MTTP: variants seen among roughly 807,000 people sequenced by gnomAD.
MTTP encodes the protein microsomal triglyceride transfer protein large subunit.
In MTTP, 49 loss-of-function variants were observed where a neutral mutation model predicts 90.6. The observed-to-expected ratio is 0.54, with a 90% CI of 0.43 to 0.69. MTTP has a LOEUF of 0.69. MTTP is among the 30% of genes least tolerant of loss of function. The probability of loss-of-function intolerance (pLI) is 0.00; values close to 1 mark genes in which losing one functional copy is unlikely to be tolerated. For missense variants in MTTP, 945 were observed against 1,067.5 expected (o/e 0.89, Z 1.60); for synonymous variants, 347 against 384.2 (o/e 0.90, Z 1.13).
chr4:99,583,440 A>G lies in MTTP; in HGVS notation c.316A>G (p.Ser106Gly). The G allele has an allele frequency of 1.2e-6, 2 of 1,613,570 alleles. No homozygotes were observed. The highest frequency in any genetic ancestry group is 4.5e-5 in the East Asian group (2 of 44,846). Residue 106 changes from serine (S) to glycine (G), a missense_variant, in exon 3 of 18, where the codon AGC becomes GGC. Physicochemically the swap from Ser to Gly is moderately conservative, Grantham distance 56. Transcript: ENST00000265517. The stretch of plus-strand genomic sequence containing the variant: ...AGAGAAGAGCATCTTCAAAGGAAAA[A>G]GCCCATCTAAAATAATGGGAAAGGA... ...RGEKSIFKGK[S>G]PSKIMGKENL...
exon 1 of MTTP, chr4:99,564,184 C>A (rs763891524): frequency 6.5e-7 from 1 of 1,535,504 alleles, no homozygotes; most frequent in South Asian, 1.2e-5. Flanking sequence ...TCTGTTTTTT[C>A]CCGTTCAAGA....
upstream of MTTP, among the ~76,000 whole-genome samples, chr4:99,571,020 T>C (rs534665276): frequency 2.7e-3 from 417 of 152,070 alleles, 4 homozygotes; most frequent in African/African-American, 9.4e-3. Context: ...TGGTAATTTG[T>C]TATGGTAGCT....
Position 99,622,920 on chromosome 4 carries a change from C to A in MTTP, c.*72C>A. ...ACAATGTGGCATGACTAAGTACTTG[C>A]TCTCTGAGAGCACAGCGTTTACATA... is the stretch of plus-strand genomic sequence containing the variant. On this transcript the variant is annotated 3_prime_UTR_variant, in exon 18 of 18. Transcript: ENST00000265517. 1 of 1,491,738 alleles carries A rather than the reference C, an allele frequency of 6.7e-7. No individual in the cohort carries two copies. Among genetic ancestry groups the A allele is most frequent in the Non-Finnish European group, 9.4e-7 (1 of 1,069,192 alleles). 92.4% of individuals were successfully genotyped at this position (1,491,738 alleles called of 1,614,324 possible).
intron 1 of MTTP, among the ~76,000 whole-genome samples, chr4:99,566,296 AG>A (rs765335811): frequency 1.6e-4 from 14 of 87,082 alleles, no homozygotes; most frequent in Non-Finnish European, 2.9e-4. Context: ...CTCAAAAAAA[AG>A]AAAAAAAAAA....
intron 3 of MTTP, among the ~76,000 whole-genome samples, chr4:99,588,003 C>T (rs1725297922): frequency 6.6e-6 from 1 of 152,078 alleles, no homozygotes; most frequent in Non-Finnish European, 1.5e-5. Context: ...ACTATTCCAA[C>T]ATTTATAGGT....
At chr4:99,606,506 C>A (rs1449204905) in intron 10 of MTTP, among the ~76,000 whole-genome samples, 1 of 152,048 alleles carries the variant, frequency 6.6e-6, no homozygotes, top group Non-Finnish European at 1.5e-5. Context: ...ACAAAATATG[C>A]CCATTATTGA....
Position 99,589,694 on chromosome 4 carries a change from A to G in MTTP, c.445A>G (p.Lys149Glu). ...TGAGGCAGTGGCCATAGAAAATATC[A>G]AGAGAGGTCTGGCTAGCCTATTTCA... is the stretch of plus-strand genomic sequence containing the variant. ...QNEAVAIENI[K>E]RGLASLFQTQ... Residue 149 changes from lysine (K) to glutamate (E), a missense_variant, in exon 4 of 18, where the codon AAG becomes GAG. Physicochemically the swap from Lys to Glu is moderately conservative, Grantham distance 56. Transcript: ENST00000265517. 1 of 1,610,640 alleles carries G rather than the reference A, an allele frequency of 6.2e-7. No individual in the cohort carries two copies. Among genetic ancestry groups the G allele is most frequent in the Non-Finnish European group, 8.5e-7 (1 of 1,177,126 alleles).
chr4:99,600,434 C>T, intron 8 of MTTP, 131 bp from the exon 9 acceptor site: 6 of 938,106 alleles, frequency 6.4e-6, no homozygotes, highest in Admixed American at 2.3e-5. Flanking sequence ...ATCATTTTTT[C>T]ATTTGTTCAA....
At chr4:99,595,326 A>G (rs890429203) in intron 7 of MTTP, among the ~76,000 whole-genome samples, 2 of 152,216 alleles carry the variant, frequency 1.3e-5, no homozygotes, top group African/African-American at 4.8e-5. Flanking sequence ...CTTTGCCTAA[A>G]TTAGGAAACA....
At position 99,620,592 on chromosome 4, in the gene MTTP, G is replaced by A. The variant is rs547797240; in HGVS notation, c.2343-469G>A. 2.6e-5 allele frequency among the ~76,000 whole-genome samples: 4 copies of A among 152,280 alleles called. No individual in the cohort carries two copies. In the East Asian group the frequency reaches 7.7e-4, roughly 29 times the overall value. The stretch of plus-strand genomic sequence containing the variant: ...GGGCTTACGCCTCTAGAGACTCTTT[G>A]GAGAAGGTAATGAAATGGAATTAAA... On this transcript the variant is annotated intron_variant, in intron 16 of 17. Coordinates refer to ENST00000265517, the MANE Select transcript of MTTP (RefSeq NM_001386140.1).
Position 99,606,968 on chromosome 4 carries a change from C to A in MTTP, c.1557+8C>A, listed in dbSNP as rs2110228843. The stretch of plus-strand genomic sequence containing the variant: ...CCTTTCATAACTGATGAGGTAAAAT[C>A]TCCAAGAATATTTGCAACATTTACA... On this transcript the variant is annotated splice_region_variant and intron_variant, in intron 11 of 17. Transcript: ENST00000265517. 6.2e-7 allele frequency: 1 copy of A among 1,608,450 alleles called. No individual in the cohort carries two copies. The highest frequency in any genetic ancestry group is 8.5e-7 in the Non-Finnish European group (1 of 1,175,900).
Position 99,611,212 on chromosome 4 carries a change from T to TTTCC in MTTP, c.1840_1841insTCCT (p.Ser614PhefsTer12). Reference sequence around the variant, plus strand: ...ATGACCGTTTCTCCAGGAGTGGATCTTCTTCTGCCTACACTGGCTACATAG... The same window carrying TTTCC: ...ATGACCGTTTCTCCAGGAGTGGATCTTTCCTCTTCTGCCTACACTGGCTACATAG... On this transcript the variant is annotated frameshift_variant, in exon 13 of 18. Transcript: ENST00000265517. LOFTEE classifies it high-confidence loss of function. The TTTCC allele has an allele frequency of 6.2e-7, 1 of 1,614,072 alleles. No homozygotes were observed. Among genetic ancestry groups the TTTCC allele is most frequent in the Non-Finnish European group, 8.5e-7 (1 of 1,179,944 alleles).
At chr4:99,616,636 T>C (rs1222452066) in intron 15 of MTTP, among the ~76,000 whole-genome samples, 1 of 152,218 alleles carries the variant, frequency 6.6e-6, no homozygotes, top group East Asian at 1.9e-4. Context: ...ATTAGCACCA[T>C]GTGGCTTAGT....
chr4:99,583,445 A>G lies in MTTP; in HGVS notation c.321A>G (p.Pro107=), dbSNP rs2110212696. 2 of 1,613,600 alleles carry G rather than the reference A, an allele frequency of 1.2e-6. No homozygotes were observed. The highest frequency in any genetic ancestry group is 2.2e-5 in the East Asian group (1 of 44,848). The change falls in exon 3 of 18, where the codon CCA becomes CCG. Residue 107 remains proline (P), a synonymous_variant. Coordinates refer to ENST00000265517, the MANE Select transcript of MTTP (RefSeq NM_001386140.1). The part of the protein sequence containing the change: ...GEKSIFKGKS[P]SKIMGKENLE... ...AGAGCATCTTCAAAGGAAAAAGCCC[A>G]TCTAAAATAATGGGAAAGGAAAACT...
At chr4:99,566,297 GAAAAAAA>G (rs567380343) in intron 1 of MTTP, among the ~76,000 whole-genome samples, 56 of 117,540 alleles carry the variant, frequency 4.8e-4, no homozygotes, top group Middle Eastern at 5.4e-3. Flanking sequence ...TCAAAAAAAA[GAAAAAAA>G]AAAAAAAAAA....
At position 99,582,071 on chromosome 4, in the gene MTTP, T is replaced by C. The variant is rs747940830; in HGVS notation, c.228T>C (p.Asp76=). The change falls in exon 2 of 18, where the codon GAT becomes GAC. Residue 76 remains aspartate, a synonymous_variant. Transcript: ENST00000265517. Reference sequence around the variant, plus strand: ...TATGGAGGAATCCTGATGGTGATGATGACCAGTTGATCCAAATAACGGTGG... The same window carrying C: ...TATGGAGGAATCCTGATGGTGATGACGACCAGTTGATCCAAATAACGGTGG... ...ALLWRNPDGD[D]DQLIQITMKD... The C allele has an allele frequency of 1.5e-5, 24 of 1,614,172 alleles. No individual in the cohort carries two copies. The highest frequency in any genetic ancestry group is 1.7e-5 in the Non-Finnish European group (20 of 1,179,994).
chr4:99,581,377 A>G (rs2110211473), intron 1 of MTTP, among the ~76,000 whole-genome samples: 1 of 152,360 alleles, frequency 6.6e-6, no homozygotes, highest in African/African-American at 2.4e-5. Context: ...GTACCTTTGT[A>G]CTAAAAGTTT....
intron 6 of MTTP, 54 bp from the exon 7 acceptor site, chr4:99,594,679 T>C: frequency 1.3e-6 from 2 of 1,598,198 alleles, no homozygotes; most frequent in Non-Finnish European, 1.7e-6. Context: ...AATTAGTATC[T>C]TGTTCACTCA....
chr4:99,584,888 T>C (rs1725220324), intron 3 of MTTP, among the ~76,000 whole-genome samples: 1 of 152,112 alleles, frequency 6.6e-6, no homozygotes, highest in African/African-American at 2.4e-5. Flanking sequence ...CACCCAGAAT[T>C]ATGCCTTGCA....
Sources: allele counts gnomAD v4.1 joint callset (sites outside exome capture counted in the v4.1 genomes callset), GRCh38; gene constraint gnomAD v4.1.1; transcripts MANE v1.5; gene names NCBI Gene and HGNC (gene_info 2026-07-23, HGNC 2026-07-21).